The following ZBED6 variants were observed in gnomAD, a reference collection of about 807,000 sequenced individuals.
ZBED6 encodes the protein zinc finger BED-type containing 6.
A neutral mutation model predicts 58.4 loss-of-function variants in ZBED6; 40 were observed. The observed-to-expected ratio is 0.68, with a 90% CI of 0.53 to 0.89. ZBED6 has a LOEUF of 0.89. ZBED6 is among the 40% of genes least tolerant of loss of function. The pLI, the probability that ZBED6 is intolerant of heterozygous loss-of-function variation, is 0.00. For synonymous variants in ZBED6, 439 were observed against 350.6 expected (o/e 1.25, Z -2.82); for missense variants, 1,057 against 1,003.9 (o/e 1.05, Z -0.71).
chr1:203,850,666 C>T (rs775644621), exon 15 of ZBED6: 4 of 1,613,804 alleles, frequency 2.5e-6, no homozygotes, highest in Non-Finnish European at 3.4e-6. Flanking sequence ...AACCCCCAGC[C>T]AAAAAGGCAG....
At chr1:203,803,494 A>G (rs962084301) in intron 1 of ZBED6, among the ~76,000 whole-genome samples, 3 of 152,132 alleles carry the variant, frequency 2.0e-5, no homozygotes, top group African/African-American at 7.2e-5. Flanking sequence ...TCTGGCCCAT[A>G]GTTTTTCTTT....
rs977293086 is a variant in ZBED6 at position 203,820,418 on chromosome 1, C to A, written c.*2873+1729C>A. On this transcript the variant is annotated intron_variant, in intron 3 of 16. Transcript: ENST00000550078. ...TCAATTTGGGTTTGTTTGTATTCCC[C>A]CTCATTACTAAATTAAGATTATATA... Among the ~76,000 whole-genome samples the A allele has an allele frequency of 2.0e-5, 3 of 149,120 alleles. No homozygotes were observed. The South Asian group carries it at 6.4e-4, about 32-fold the overall frequency.
chr1:203,830,333 G>A, intron 7 of ZBED6, 130 bp downstream of exon 7: 2 of 728,554 alleles, frequency 2.7e-6, no homozygotes, highest in Non-Finnish European at 4.6e-6. Context: ...GTAAAACACA[G>A]ACTTATTTAA....
intron 2 of ZBED6, 141 bp downstream of exon 2, chr1:203,817,265 G>A (rs1339992919): frequency 1.7e-6 from 1 of 602,852 alleles, no homozygotes; most frequent in Non-Finnish European, 2.7e-6. Context: ...TTTTTTAAAG[G>A]ATAATGTATT....
At chr1:203,840,435 T>A in intron 11 of ZBED6, 61 bp downstream of exon 11, 1 of 1,513,018 alleles carries the variant, frequency 6.6e-7, no homozygotes, top group Non-Finnish European at 9.0e-7. Flanking sequence ...AGCCTTTGCT[T>A]TTTCTCAGAT....
chr1:203,836,537 C>T (rs535107184), intron 9 of ZBED6, among the ~76,000 whole-genome samples: 1 of 152,314 alleles, frequency 6.6e-6, no homozygotes, highest in East Asian at 1.9e-4. Context: ...ATCACAAGGT[C>T]AGGAGTTCGA....
At chr1:203,798,729 G>A (rs1277269014) in exon 1 of ZBED6, 1 of 1,536,138 alleles carries the variant, frequency 6.5e-7, no homozygotes, top group South Asian at 1.2e-5. Context: ...AACATGTTGT[G>A]GAAATCCAGT....
chr1:203,851,063 G>A (rs777901140), exon 16 of ZBED6: 1 of 1,614,134 alleles, frequency 6.2e-7, no homozygotes, highest in Non-Finnish European at 8.5e-7. Context: ...GTAGGCTGTT[G>A]TCCCGCTTGT....
At chr1:203,848,280 G>A in intron 12 of ZBED6, 51 bp from the exon 13 acceptor site, 1 of 1,454,186 alleles carries the variant, frequency 6.9e-7, no homozygotes, top group Non-Finnish European at 9.5e-7. Context: ...TATCTATCAT[G>A]AAGTTGCAGC....
intron 1 of ZBED6, chr1:203,806,308 CTT>C (rs201752688): frequency 4.5e-4 from 95 of 211,586 alleles, no homozygotes; most frequent in Middle Eastern, 1.8e-3. Context: ...TTTCTTTTTC[CTT>C]TTTTTTTTTG....
At chr1:203,821,278 T>C (rs1678591406) in intron 3 of ZBED6, among the ~76,000 whole-genome samples, 1 of 152,234 alleles carries the variant, frequency 6.6e-6, no homozygotes, top group East Asian at 1.9e-4. Flanking sequence ...TCCTGAAGCC[T>C]CCCCAGCCAT....
At chr1:203,798,254 A>G in exon 1 of ZBED6, 1 of 1,536,132 alleles carries the variant, frequency 6.5e-7, no homozygotes, top group Non-Finnish European at 8.7e-7. Flanking sequence ...GGGCAGAAAG[A>G]GGGAGATTTC....
intron 13 of ZBED6, among the ~76,000 whole-genome samples, chr1:203,848,683 T>A (rs1054114808): frequency 6.6e-6 from 1 of 152,148 alleles, no homozygotes; most frequent in Admixed American, 6.5e-5. Context: ...GTCAGGAGAT[T>A]GAGACCGTCC....
At chr1:203,832,845 A>G (rs1312153045) in intron 8 of ZBED6, among the ~76,000 whole-genome samples, 4 of 152,254 alleles carry the variant, frequency 2.6e-5, no homozygotes, top group Non-Finnish European at 5.9e-5. Context: ...GTTTCATTCA[A>G]CATATCAAAG....
chr1:203,821,030 G>C (rs572258554), intron 3 of ZBED6, among the ~76,000 whole-genome samples: 2 of 152,150 alleles, frequency 1.3e-5, no homozygotes, highest in South Asian at 2.1e-4. Context: ...GTTTGGCTCT[G>C]TATCCTCACC....
chr1:203,838,114 T>C (rs368986571), intron 10 of ZBED6, 50 bp downstream of exon 10: 11 of 1,519,916 alleles, frequency 7.2e-6, no homozygotes, highest in South Asian at 1.2e-5. Flanking sequence ...ATGACACTTG[T>C]GTCTTGTAAT....
intron 12 of ZBED6, 26 bp downstream of exon 12, chr1:203,847,713 A>T (rs1396685234): frequency 6.2e-7 from 1 of 1,600,802 alleles, no homozygotes; most frequent in Non-Finnish European, 8.5e-7. Context: ...GGTCTCTAGT[A>T]CCACGTCCCC....
chr1:203,850,348 A>G, intron 14 of ZBED6, 167 bp from the exon 15 acceptor site: 2 of 963,088 alleles, frequency 2.1e-6, no homozygotes, highest in Non-Finnish European at 3.3e-6. Context: ...ACCTGTAGTG[A>G]CCACCATGTG....
At chr1:203,812,536 A>G (rs1306478087) in intron 1 of ZBED6, among the ~76,000 whole-genome samples, 1 of 149,286 alleles carries the variant, frequency 6.7e-6, no homozygotes, top group African/African-American at 2.5e-5. Context: ...CATCCTCACC[A>G]GCATTTAGTG....
Sources: allele counts gnomAD v4.1 joint callset (sites outside exome capture counted in the v4.1 genomes callset), GRCh38; gene constraint gnomAD v4.1.1; transcripts MANE v1.5; gene names NCBI Gene and HGNC (gene_info 2026-07-23, HGNC 2026-07-21).